CDYL2: variants seen among roughly 807,000 people sequenced by gnomAD.
CDYL2 encodes the protein chromodomain Y like 2.
CDYL2 carries 23 observed loss-of-function variants against 49.4 expected under a neutral mutation model. The observed-to-expected ratio is 0.47, with a 90% CI of 0.34 to 0.66. The LOEUF (loss-of-function observed/expected upper bound fraction) is 0.66, where lower values mean the gene tolerates loss of function less well. Among genes scored for constraint, CDYL2 ranks in the 30% least tolerant of loss-of-function variants. The pLI is 0.01. For synonymous variants in CDYL2, 360 were observed against 268.8 expected (o/e 1.34, Z -3.32); for missense variants, 678 against 656.4 (o/e 1.03, Z -0.36).
intron 1 of CDYL2, among the ~76,000 whole-genome samples, chr16:80,725,949 T>C (rs1389117092): frequency 6.6e-6 from 1 of 152,188 alleles, no homozygotes; most frequent in African/African-American, 2.4e-5. Context: ...GGATGACACT[T>C]AGTCACTCAC....
At chr16:80,788,774 T>C (rs145766452) in intron 1 of CDYL2, among the ~76,000 whole-genome samples, 151 of 152,332 alleles carry the variant, frequency 9.9e-4, no homozygotes, top group African/African-American at 3.4e-3. Context: ...GATTACATGA[T>C]ACCATACACG....
chr16:80,699,550 T>C (rs892636155), intron 1 of CDYL2, among the ~76,000 whole-genome samples: 1 of 152,200 alleles, frequency 6.6e-6, no homozygotes, highest in Non-Finnish European at 1.5e-5. Context: ...GGTTAGTTAA[T>C]AAATACAAAA....
intron 2 of CDYL2, among the ~76,000 whole-genome samples, chr16:80,671,130 A>G (rs1909486016): frequency 6.6e-6 from 1 of 152,000 alleles, no homozygotes; most frequent in Non-Finnish European, 1.5e-5. Context: ...AGTCACCCAC[A>G]CCCTGGGCTC....
At chr16:80,649,475 G>T (rs1460320906) in intron 2 of CDYL2, among the ~76,000 whole-genome samples, 1 of 152,044 alleles carries the variant, frequency 6.6e-6, no homozygotes, top group Non-Finnish European at 1.5e-5. Flanking sequence ...ACTGACGAAA[G>T]AAATTGAAGA....
intron 2 of CDYL2, among the ~76,000 whole-genome samples, chr16:80,672,382 G>T (rs1239168776): frequency 2.7e-5 from 4 of 148,926 alleles, no homozygotes; most frequent in Non-Finnish European, 6.0e-5. Flanking sequence ...AGTAGAACAG[G>T]CTTTCCCTTT....
At chr16:80,654,174 C>T (rs1466424282) in intron 2 of CDYL2, among the ~76,000 whole-genome samples, 2 of 152,194 alleles carry the variant, frequency 1.3e-5, no homozygotes, top group African/African-American at 4.8e-5. Flanking sequence ...GTGCTCAGCG[C>T]TCTGCCGGGC....
At chr16:80,647,257 C>A (rs531782326) in intron 2 of CDYL2, among the ~76,000 whole-genome samples, 3 of 152,192 alleles carry the variant, frequency 2.0e-5, no homozygotes, top group East Asian at 3.9e-4. Flanking sequence ...TTTAAGGAAT[C>A]AATATTGTTA....
At chr16:80,736,337 G>A (rs769594244) in intron 1 of CDYL2, 3 of 152,202 alleles carry the variant, frequency 2.0e-5, no homozygotes, top group African/African-American at 4.8e-5. Flanking sequence ...GACTCCTTGC[G>A]TGAGTTTAGT....
chr16:80,737,390 T>G (rs998142041), intron 1 of CDYL2, among the ~76,000 whole-genome samples: 5 of 152,166 alleles, frequency 3.3e-5, no homozygotes, highest in African/African-American at 1.2e-4. Context: ...ATTATCCCTA[T>G]TTTGCAGATT....
chr16:80,688,530 T>A (rs986956159), intron 1 of CDYL2, among the ~76,000 whole-genome samples: 1 of 152,174 alleles, frequency 6.6e-6, no homozygotes, highest in Non-Finnish European at 1.5e-5. Flanking sequence ...TATACATTGT[T>A]TCACCCCCAA....
intron 1 of CDYL2, among the ~76,000 whole-genome samples, chr16:80,696,994 T>G (rs1351926196): frequency 1.3e-5 from 2 of 151,718 alleles, no homozygotes; most frequent in African/African-American, 4.9e-5. Context: ...AACAACATAG[T>G]GATATTTTGT....
chr16:80,750,792 G>A (rs1228835482), intron 1 of CDYL2, among the ~76,000 whole-genome samples: 5 of 152,192 alleles, frequency 3.3e-5, no homozygotes, highest in African/African-American at 1.2e-4. Context: ...GGCCGAGGCA[G>A]GCGGATCACG....
intron 1 of CDYL2, among the ~76,000 whole-genome samples, chr16:80,697,563 C>T (rs962013550): frequency 3.9e-5 from 6 of 152,072 alleles, no homozygotes; most frequent in South Asian, 2.1e-4. Context: ...TATTGGAAGT[C>T]CTAGCCAGGG....
At chr16:80,649,957 AT>A (rs1908516212) in intron 2 of CDYL2, among the ~76,000 whole-genome samples, 1 of 152,306 alleles carries the variant, frequency 6.6e-6, no homozygotes, top group Non-Finnish European at 1.5e-5. Context: ...CCTGCCATAT[AT>A]AAAAATCAAA....
At chr16:80,669,872 T>C (rs536444407) in intron 2 of CDYL2, among the ~76,000 whole-genome samples, 4 of 152,314 alleles carry the variant, frequency 2.6e-5, no homozygotes, top group African/African-American at 9.6e-5. Context: ...GTGCACACCA[T>C]GAGGGTCTTG....
chr16:80,620,624 T>G (rs1907036403), intron 4 of CDYL2, 139 bp downstream of exon 4: 1 of 655,904 alleles, frequency 1.5e-6, no homozygotes, highest in Non-Finnish European at 2.2e-6. Context: ...TAAGCAGACC[T>G]CGAGTATTGC....
chr16:80,647,604 G>A (rs1273000375), intron 2 of CDYL2, among the ~76,000 whole-genome samples: 1 of 152,132 alleles, frequency 6.6e-6, no homozygotes, highest in African/African-American at 2.4e-5. Flanking sequence ...TAGACTTGAA[G>A]ACTCCACTTT....
intron 1 of CDYL2, among the ~76,000 whole-genome samples, chr16:80,688,980 C>G (rs1388446693): frequency 6.6e-6 from 1 of 152,286 alleles, no homozygotes; most frequent in Admixed American, 6.5e-5. Context: ...GCTCTGCCCC[C>G]GCTCTACCTG....
chr16:80,614,945 T>C (rs923866078), intron 4 of CDYL2, among the ~76,000 whole-genome samples: 1 of 151,798 alleles, frequency 6.6e-6, no homozygotes, highest in Non-Finnish European at 1.5e-5. Context: ...CCAAGTCTTA[T>C]CAAAAGTTGT....
Sources: gnomAD v4.1 joint callset for allele counts (sites outside exome capture counted in the v4.1 genomes callset) on GRCh38, gnomAD v4.1.1 for gene constraint, MANE v1.5 for transcripts, NCBI Gene and HGNC (gene_info 2026-07-23, HGNC 2026-07-21) for gene names.